FAM120A: variants seen among roughly 807,000 people sequenced by gnomAD.
FAM120A encodes the protein family with sequence similarity 120 member A.
Under a neutral mutation model 109.7 loss-of-function variants are expected in FAM120A, and 15 were observed. The observed-to-expected ratio is 0.14, with a 90% CI of 0.09 to 0.21. FAM120A has a LOEUF of 0.21. FAM120A is among the 10% of genes least tolerant of loss of function. The pLI is 1.00. For missense variants in FAM120A, 899 were observed against 1,439.3 expected (o/e 0.62, Z 6.07); for synonymous variants, 493 against 572.8 (o/e 0.86, Z 1.99).
intron 10 of FAM120A, among the ~76,000 whole-genome samples, chr9:93,535,840 C>T (rs1861494947): frequency 6.6e-6 from 1 of 152,152 alleles, no homozygotes; most frequent in Admixed American, 6.5e-5. Flanking sequence ...CAAAACCAAC[C>T]TTGTTTGAGA....
intron 2 of FAM120A, 131 bp from the exon 3 acceptor site, chr9:93,476,125 A>T: frequency 1.6e-6 from 1 of 612,522 alleles, no homozygotes; most frequent in Non-Finnish European, 2.9e-6. Flanking sequence ...GCTTTATGTT[A>T]AGAGATGAAG....
At chr9:93,534,248 A>C (rs368488534) in intron 10 of FAM120A, among the ~76,000 whole-genome samples, 120 of 151,940 alleles carry the variant, frequency 7.9e-4, no homozygotes, top group African/African-American at 2.8e-3. Flanking sequence ...CAGAGCACGT[A>C]GGTGGTGGGG....
At position 93,452,406 on chromosome 9, in the gene FAM120A, G is replaced by A. The variant is rs748960781; in HGVS notation, c.474+17G>A. The A allele has an allele frequency of 6.3e-7, 1 of 1,590,582 alleles. No homozygotes were observed. Among genetic ancestry groups the A allele is most frequent in the African/African-American group, 1.3e-5 (1 of 74,504 alleles). ...CACGTCAAGGTGAGGCCGGGGATCC[G>A]GGCGGGCCGGGGACCGGGGCCGCGC... On this transcript the variant is annotated intron_variant, in intron 1 of 17. Transcript: ENST00000277165. This position sits in a 1 kb window ranked among gnomAD's most constrained non-coding sequence, Gnocchi z 7.0.
chr9:93,512,391 C>T (rs949277116), intron 5 of FAM120A, among the ~76,000 whole-genome samples: 4 of 152,114 alleles, frequency 2.6e-5, no homozygotes, highest in Admixed American at 6.6e-5. Flanking sequence ...ATCATACAGC[C>T]GAGGGATTGC....
intron 3 of FAM120A, among the ~76,000 whole-genome samples, chr9:93,485,610 AAAG>A (rs768430795): frequency 1.1e-4 from 16 of 152,114 alleles, no homozygotes; most frequent in Non-Finnish European, 2.2e-4. Flanking sequence ...CAAAAAATAA[AAAG>A]AAGCAGAGGG....
Position 93,550,615 on chromosome 9 carries a change from G to T in FAM120A, c.2198G>T (p.Arg733Leu). Residue 733 changes from arginine (R) to leucine (L), a missense_variant, in exon 12 of 18, where the codon CGT becomes CTT. This residue lies in a region of FAM120A where 52 missense variants were observed against 49.7 expected (regional missense o/e 1.05). Coordinates refer to ENST00000277165, the MANE Select transcript of FAM120A (RefSeq NM_014612.5). ...TGGCCGGGAGCACGCATCCTTCGGC[G>T]TCAGGAGCTAGATGCCTTCCTGGCT... ...VQWPGARILR[R>L]QELDAFLAQA... is the part of the protein sequence containing the mutation. 2 of 1,613,910 alleles carry T rather than the reference G, an allele frequency of 1.2e-6. No individual in the cohort carries two copies. The highest frequency in any genetic ancestry group is 1.7e-6 in the Non-Finnish European group (2 of 1,180,012).
chr9:93,554,120 T>TATAC (rs1554786169), intron 12 of FAM120A, among the ~76,000 whole-genome samples: 3 of 87,402 alleles, frequency 3.4e-5, no homozygotes, highest in Non-Finnish European at 6.9e-5. Flanking sequence ...GGCCATTTGA[T>TATAC]ACACACACAC....
rs759258734 is a variant in FAM120A, at chr9:93,476,245, T to G, written c.722-11T>G. The G allele has an allele frequency of 6.3e-7, 1 of 1,577,856 alleles. No individual in the cohort carries two copies. The highest frequency in any genetic ancestry group is 2.2e-5 in the East Asian group (1 of 44,566). ...ATGATTGCTTTTATGTTATCCATGTTTATATTCCAGGAAATCACATTCTGC... is the reference window on the plus strand; with the variant it reads ...ATGATTGCTTTTATGTTATCCATGTGTATATTCCAGGAAATCACATTCTGC... On this transcript the variant is annotated splice_polypyrimidine_tract_variant and intron_variant, in intron 2 of 17. Coordinates refer to ENST00000277165, the MANE Select transcript of FAM120A (RefSeq NM_014612.5).
At chr9:93,456,712 T>G (rs904980774) in intron 1 of FAM120A, among the ~76,000 whole-genome samples, 1 of 152,098 alleles carries the variant, frequency 6.6e-6, no homozygotes, top group Non-Finnish European at 1.5e-5. Flanking sequence ...AGTGCTAAAG[T>G]CAAAGTTCAG....
At chr9:93,481,095 T>A (rs932786100) in intron 3 of FAM120A, among the ~76,000 whole-genome samples, 4 of 152,228 alleles carry the variant, frequency 2.6e-5, no homozygotes, top group Admixed American at 2.6e-4. Flanking sequence ...TGCCTGGACA[T>A]AAGGTTTAGT....
intron 3 of FAM120A, among the ~76,000 whole-genome samples, chr9:93,487,129 GTTAT>G (rs955824326): frequency 2.0e-5 from 3 of 151,962 alleles, no homozygotes; most frequent in African/African-American, 7.3e-5. Context: ...TTAAAATTGG[GTTAT>G]TTGTCTTTTC....
chr9:93,485,889 A>G (rs1026989490), intron 3 of FAM120A, among the ~76,000 whole-genome samples: 2 of 149,412 alleles, frequency 1.3e-5, no homozygotes, highest in African/African-American at 4.9e-5. Flanking sequence ...ATCACACAAC[A>G]TGTGGTCTTT....
At chr9:93,523,805 T>C (rs1412379188) in intron 7 of FAM120A, among the ~76,000 whole-genome samples, 2 of 152,254 alleles carry the variant, frequency 1.3e-5, no homozygotes, top group Non-Finnish European at 2.9e-5. Flanking sequence ...GTTCCTGACA[T>C]TTTAAGCTCA....
At chr9:93,525,555 C>T (rs118136665) in intron 7 of FAM120A, among the ~76,000 whole-genome samples, 60 of 152,342 alleles carry the variant, frequency 3.9e-4, no homozygotes, top group Non-Finnish European at 7.6e-4. Context: ...AAGAGTTGTG[C>T]CAATGTTGCC....
At position 93,545,780 on chromosome 9, in the gene FAM120A, C is replaced by CTTTTTTTTTTTTTT. The variant is rs774150537; in HGVS notation, c.2159+2322_2159+2335dup. 7.0e-3 allele frequency among the ~76,000 whole-genome samples: 457 copies of CTTTTTTTTTTTTTT among 65,498 alleles called. 57 individuals are homozygous for CTTTTTTTTTTTTTT. The highest frequency in any genetic ancestry group is 0.015 in the East Asian group (30 of 1,936). The allele number at this position is 65,498 out of a possible 152,430, so 43.0% of individuals were successfully genotyped here. On this transcript the variant is annotated intron_variant, in intron 11 of 17. Transcript: ENST00000277165. Reference sequence around the variant, plus strand: ...GAAGACTGGCTGATGGGAAAGACTCCTTTTTTTTTTTTTTTTTTTTTTTTT... The same window carrying CTTTTTTTTTTTTTT: ...GAAGACTGGCTGATGGGAAAGACTCCTTTTTTTTTTTTTTTTTTTTTTTTTTTTTTTTTTTTTTT...
Position 93,498,839 on chromosome 9 carries a change from A to T in FAM120A, c.983A>T (p.Tyr328Phe). The change falls in exon 5 of 18, where the codon TAT becomes TTT. Residue 328 changes from tyrosine (Y) to phenylalanine (F), a missense_variant. By Grantham distance (22) the Tyr-to-Phe change is conservative. Transcript: ENST00000277165. This position sits in a 1 kb window ranked among gnomAD's most constrained non-coding sequence, Gnocchi z 4.4. The part of the protein sequence containing the change: ...VIRFKRAIGY[Y>F]SATSKPMSFH... ...CGATTTAAGAGAGCAATTGGATATT[A>T]TTCAGCGACTAGTAAGCCTATGTCA... The T allele has an allele frequency of 6.2e-7, 1 of 1,612,970 alleles. No homozygotes were observed. Among genetic ancestry groups the T allele is most frequent in the Non-Finnish European group, 8.5e-7 (1 of 1,178,958 alleles).
intron 10 of FAM120A, among the ~76,000 whole-genome samples, chr9:93,534,779 G>T (rs890764383): frequency 6.6e-6 from 1 of 152,136 alleles, no homozygotes; most frequent in African/African-American, 2.4e-5. Context: ...TGTATTAGTA[G>T]ACTTAGGTGG....
At position 93,474,742 on chromosome 9, in the gene FAM120A, C is replaced by T. The variant is rs143287736; in HGVS notation, c.722-1514C>T. On this transcript the variant is annotated intron_variant, in intron 2 of 17. Coordinates refer to ENST00000277165, the MANE Select transcript of FAM120A (RefSeq NM_014612.5). ...CCGAGTAGCTGGGACTACAGGCAAC[C>T]GCCACCACTCCCTGCTAATTTTTTG... is the stretch of plus-strand genomic sequence containing the variant. Among the ~76,000 whole-genome samples, 1,384 of 152,142 alleles carry T rather than the reference C, an allele frequency of 9.1e-3. 22 individuals are homozygous for T. The highest frequency in any genetic ancestry group is 0.032 in the African/African-American group (1,313 of 41,506).
Position 93,452,448 on chromosome 9 carries a change from T to A in FAM120A, c.474+59T>A, listed in dbSNP as rs988977140. On this transcript the variant is annotated intron_variant, in intron 1 of 17. Coordinates refer to ENST00000277165, the MANE Select transcript of FAM120A (RefSeq NM_014612.5). The surrounding 1 kb of genome is among the most constrained non-coding windows in gnomAD (Gnocchi z 7.0). The stretch of plus-strand genomic sequence containing the variant: ...GGGCCGCGCCGCACCCCTATCCCCC[T>A]TCCCAGGGCGCAGAATGTCGCCCGG... 6 of 1,555,998 alleles carry A rather than the reference T, an allele frequency of 3.9e-6. No homozygotes were observed. The African/African-American group carries it at 6.8e-5, about 18-fold the overall frequency.
Sources: allele counts gnomAD v4.1 joint callset (sites outside exome capture counted in the v4.1 genomes callset), GRCh38; gene constraint gnomAD v4.1.1; regional missense constraint gnomAD v4.1.1; non-coding constraint Gnocchi (gnomAD v3.1); transcripts MANE v1.5; gene names NCBI Gene and HGNC (gene_info 2026-07-23, HGNC 2026-07-21).